Variants in RNF213 observed in about 807,000 individuals in gnomAD.
RNF213 encodes E3 ubiquitin-protein ligase RNF213.
In RNF213, 341 loss-of-function variants were observed where a neutral mutation model predicts 514.4. That is an observed-to-expected ratio of 0.66 (90% confidence interval 0.61 to 0.73). RNF213 has a LOEUF of 0.73. Among genes scored for constraint, RNF213 ranks in the 30% least tolerant of loss-of-function variants. RNF213 has a pLI of 0.00. For missense variants in RNF213, 5,767 were observed against 6,615.6 expected, an observed-to-expected ratio of 0.87 and a Z score of 4.45; for synonymous variants, 2,655 against 2,658.2, an observed-to-expected ratio of 1.00 and a Z score of 0.04.
At chr17:80,298,563 GA>G in intron 11 of RNF213, 45 bp downstream of exon 11, 1 of 1,609,302 alleles carries the variant, frequency 6.2e-7, no homozygotes, top group Non-Finnish European at 8.5e-7. Context: ...TGGGAAGACT[GA>G]CTCCTACATT....
chr17:80,281,588 C>CACA, intron 3 of RNF213, among the ~76,000 whole-genome samples: 1 of 58,814 alleles, frequency 1.7e-5, no homozygotes. Flanking sequence ...CACTCACACA[C>CACA]TGCCAACACA....
chr17:80,270,966 A>C (rs1240535283), intron 2 of RNF213, among the ~76,000 whole-genome samples: 1 of 152,216 alleles, frequency 6.6e-6, no homozygotes. Context: ...ACTGAGTGGC[A>C]GAAACCCCAG....
intron 23 of RNF213, 112 bp from the exon 24 acceptor site, chr17:80,337,474 C>A: frequency 7.2e-7 from 1 of 1,384,752 alleles, no homozygotes; most frequent in Non-Finnish European, 9.7e-7. Context: ...CCTGGGGAAG[C>A]GTGGGGAGAA....
At chr17:80,372,882 T>G in intron 48 of RNF213, 93 bp from the exon 49 acceptor site, 1 of 1,414,230 alleles carries the variant, frequency 7.1e-7, no homozygotes, top group East Asian at 2.4e-5. Flanking sequence ...TGAATGCCTG[T>G]GGGTAGGTCC....
chr17:80,337,498 G>A, intron 23 of RNF213, 88 bp from the exon 24 acceptor site: 1 of 1,475,314 alleles, frequency 6.8e-7, no homozygotes. Context: ...TCTGCAGCGA[G>A]GCAGAGGCGG....
In RNF213 at chr17:80,386,241, C is replaced by T. The variant is rs373630555; in HGVS notation, c.14540-9C>T. The T allele has an allele frequency of 2.4e-5, 38 of 1,604,748 alleles. No homozygotes were observed. The highest frequency in any genetic ancestry group is 2.0e-4 in the East Asian group (9 of 44,884). ...CCTCTCTGCTTAAGCATAACCCTGT[C>T]GTTTAAAGGTGAGATCAACCTACCC... On this transcript the variant is annotated splice_polypyrimidine_tract_variant and intron_variant, in intron 61 of 67. Coordinates refer to ENST00000582970, the MANE Select transcript of RNF213 (RefSeq NM_001256071.3).
At position 80,289,843 on chromosome 17, in the gene RNF213, G is replaced by A. The variant is rs1411900717; in HGVS notation, c.1112+6G>A. On this transcript the variant is annotated splice_donor_region_variant and intron_variant, in intron 6 of 67. Coordinates refer to ENST00000582970, the MANE Select transcript of RNF213 (RefSeq NM_001256071.3). ...GTCCAGGAAGTGAAGGCAAGGTAGG[G>A]ATGCCCCCGCAGGGGAGCAAAGGAG... 2 of 1,605,786 alleles carry A rather than the reference G, an allele frequency of 1.2e-6. No homozygotes were observed. The highest frequency in any genetic ancestry group is 1.7e-6 in the Non-Finnish European group (2 of 1,176,474).
intron 54 of RNF213, chr17:80,379,382 AT>A (rs2079893556): frequency 5.6e-6 from 3 of 538,412 alleles, no homozygotes; most frequent in Admixed American, 5.7e-5. Context: ...CACTCTGGGA[AT>A]AAAGCTTAAA....
chr17:80,380,265 G>A (rs2079934651), intron 55 of RNF213, among the ~76,000 whole-genome samples: 1 of 152,168 alleles, frequency 6.6e-6, no homozygotes, highest in Non-Finnish European at 1.5e-5. Flanking sequence ...GAGAGTGAGT[G>A]GGACCTGCGT....
Position 80,263,888 on chromosome 17 carries a change from C to G in RNF213, c.97+110C>G. The G allele has an allele frequency of 1.2e-6, 1 of 845,388 alleles. No homozygotes were observed. The highest frequency in any genetic ancestry group is 2.0e-6 in the Non-Finnish European group (1 of 507,102). 52.4% of individuals were successfully genotyped at this position (845,388 alleles called of 1,614,324 possible). ...GGGCAGCAGGCAGCTCAGGTGGGGC[C>G]GAGGTCCTCTGTGGCTACTGAGGCT... On this transcript the variant is annotated intron_variant, in intron 2 of 67. Coordinates refer to ENST00000582970, the MANE Select transcript of RNF213 (RefSeq NM_001256071.3). The surrounding 1 kb of genome is among the most constrained non-coding windows in gnomAD (Gnocchi z 4.9).
Position 80,346,901 on chromosome 17 carries a change from C to T in RNF213, c.8566C>T (p.Pro2856Ser). 1 of 1,614,056 alleles carries T rather than the reference C, an allele frequency of 6.2e-7. No homozygotes were observed. The highest frequency in any genetic ancestry group is 1.1e-5 in the South Asian group (1 of 91,074). The stretch of plus-strand genomic sequence containing the variant: ...GCTGGCGGAAGACTCACCCAAAATG[C>T]CCCTGAAGACTCTGCACCCGCTGCT... Reference protein sequence around the residue: ...VGLAEDSPKMPLKTLHPLLED... With the variant: ...VGLAEDSPKMSLKTLHPLLED... Residue 2856 changes from proline to serine, a missense_variant, in exon 29 of 68, where the codon CCC (proline) becomes TCC (serine). Coordinates refer to ENST00000582970, the MANE Select transcript of RNF213 (RefSeq NM_001256071.3). This position sits in a 1 kb window ranked among gnomAD's most constrained non-coding sequence, Gnocchi z 8.1.
At chr17:80,277,547 G>A (rs1415936549) in intron 3 of RNF213, among the ~76,000 whole-genome samples, 2 of 144,746 alleles carry the variant, frequency 1.4e-5, no homozygotes, top group South Asian at 2.2e-4. Context: ...GCAGTGAGCC[G>A]AGATTGAGAC....
Position 80,386,449 on chromosome 17 carries a change from A to G in RNF213, c.14720+19A>G. On this transcript the variant is annotated intron_variant, in intron 62 of 67. Transcript: ENST00000582970. Reference sequence around the variant, plus strand: ...ACAACAGGTTTGTGCACGAGCCACCAGGAAGTGGTGCCTGCTCAGCCCAGA... The same window carrying G: ...ACAACAGGTTTGTGCACGAGCCACCGGGAAGTGGTGCCTGCTCAGCCCAGA... The G allele has an allele frequency of 6.2e-7, 1 of 1,613,638 alleles. No homozygotes were observed. Among genetic ancestry groups the G allele is most frequent in the Non-Finnish European group, 8.5e-7 (1 of 1,179,700 alleles).
At chr17:80,370,176 C>CT (rs1283816408) in intron 46 of RNF213, among the ~76,000 whole-genome samples, 3 of 152,214 alleles carry the variant, frequency 2.0e-5, no homozygotes, top group African/African-American at 7.2e-5. Context: ...AGCCTGGTTC[C>CT]ACAGCAGCGC....
At chr17:80,371,366 G>A (rs1284188807) in intron 46 of RNF213, among the ~76,000 whole-genome samples, 1 of 152,246 alleles carries the variant, frequency 6.6e-6, no homozygotes, top group Admixed American at 6.5e-5. Context: ...CCCATATGCT[G>A]CAGCGATGGG....
chr17:80,274,229 G>T (rs937904223), intron 3 of RNF213, among the ~76,000 whole-genome samples: 1 of 152,036 alleles, frequency 6.6e-6, no homozygotes, highest in African/African-American at 2.4e-5. Flanking sequence ...TCTTGGAAGG[G>T]TATGGCTGAG....
intron 61 of RNF213, 106 bp downstream of exon 61, chr17:80,385,727 G>A: frequency 2.1e-6 from 2 of 959,656 alleles, no homozygotes; most frequent in Admixed American, 3.9e-5. Flanking sequence ...CCAGCACTGT[G>A]TTTGTTTGTT....
intron 2 of RNF213, among the ~76,000 whole-genome samples, chr17:80,269,439 T>G (rs1326615392): frequency 6.7e-6 from 1 of 150,102 alleles, no homozygotes; most frequent in Non-Finnish European, 1.5e-5. Flanking sequence ...ATCTATTCTA[T>G]CTATCCATCC....
intron 3 of RNF213, chr17:80,278,870 C>A: frequency 6.5e-7 from 1 of 1,537,222 alleles, no homozygotes; most frequent in Non-Finnish European, 8.7e-7. Flanking sequence ...GATGCAGCCC[C>A]GCTTGAGGCC....
Sources: allele counts gnomAD v4.1 joint callset (sites outside exome capture counted in the v4.1 genomes callset), GRCh38; gene constraint gnomAD v4.1.1; non-coding constraint Gnocchi (gnomAD v3.1); transcripts MANE v1.5; gene names NCBI Gene and HGNC (gene_info 2026-07-23, HGNC 2026-07-21).